Variants in RPH3AL observed in about 807,000 individuals in gnomAD.
RPH3AL encodes the protein rab effector Noc2.
RPH3AL carries 38 observed loss-of-function variants against 43.1 expected under a neutral mutation model. That is an observed-to-expected ratio of 0.88 (90% CI 0.68 to 1.15). The LOEUF (loss-of-function observed/expected upper bound fraction) is 1.15, where lower values mean the gene tolerates loss of function less well. Ranked by LOEUF, RPH3AL falls within the 50% of genes most tolerant of loss-of-function variation. The pLI is 0.00. For synonymous variants in RPH3AL, 189 were observed against 176.3 expected (o/e 1.07, Z -0.57); for missense variants, 462 against 423.2 (o/e 1.09, Z -0.81).
At chr17:321,250 G>T in intron 4 of RPH3AL, 22 bp downstream of exon 4, 3 of 1,598,606 alleles carry the variant, frequency 1.9e-6, no homozygotes, top group Non-Finnish European at 2.5e-6. Flanking sequence ...CTCCCACTGA[G>T]CTGGCCCCGG....
chr17:276,858 C>T (rs971150640), intron 6 of RPH3AL, among the ~76,000 whole-genome samples: 4 of 152,168 alleles, frequency 2.6e-5, no homozygotes, highest in African/African-American at 9.7e-5. Flanking sequence ...GTAGAATCCA[C>T]AGAATTTTGA....
At chr17:282,201 C>T (rs2042796907) in intron 5 of RPH3AL, among the ~76,000 whole-genome samples, 4 of 152,204 alleles carry the variant, frequency 2.6e-5, no homozygotes, top group South Asian at 2.1e-4. Flanking sequence ...CACGACAGCA[C>T]GTGATCTGGC....
intron 3 of RPH3AL, among the ~76,000 whole-genome samples, chr17:321,971 G>A (rs183193951): frequency 4.5e-4 from 69 of 152,352 alleles, no homozygotes; most frequent in African/African-American, 1.3e-3. Context: ...TCGGAGCTCC[G>A]TAAGGTAGTG....
intron 1 of RPH3AL, among the ~76,000 whole-genome samples, chr17:341,781 C>G (rs2045125758): frequency 6.6e-6 from 1 of 152,134 alleles, no homozygotes; most frequent in African/African-American, 2.4e-5. Context: ...CTCCTGGGCT[C>G]AAGTTGTCCT....
rs2042286653 is a variant in RPH3AL at position 264,990 on chromosome 17, C to A, written c.438+16778G>T. ...AAAAGAATCAGTTAACAAAACAAAT[C>A]TGACCCAAAATTCCAGATTGTCTCA... On this transcript the variant is annotated intron_variant, in intron 6 of 9. Coordinates refer to ENST00000331302, the MANE Select transcript of RPH3AL (RefSeq NM_006987.4). The surrounding 1 kb of genome is among the most constrained non-coding windows in gnomAD (Gnocchi z 4.8). 6.6e-6 allele frequency among the ~76,000 whole-genome samples: 1 copy of A among 152,188 alleles called. No individual in the cohort carries two copies. The highest frequency in any genetic ancestry group is 2.4e-5 in the African/African-American group (1 of 41,446).
chr17:324,710 C>CTATCTATCTATCTAT (rs1204379795), intron 3 of RPH3AL, among the ~76,000 whole-genome samples: 3,987 of 151,076 alleles, frequency 0.026, 67 homozygotes, highest in African/African-American at 0.036. Context: ...TAGCTATGTA[C>CTATCTATCTATCTAT]CTATCTATCT....
At chr17:244,580 C>T (rs1267256783) in intron 7 of RPH3AL, among the ~76,000 whole-genome samples, 4 of 152,048 alleles carry the variant, frequency 2.6e-5, no homozygotes, top group Non-Finnish European at 5.9e-5. Flanking sequence ...GCCCCGGGGC[C>T]CTCGGAGGCA....
intron 6 of RPH3AL, among the ~76,000 whole-genome samples, chr17:269,116 A>G (rs137856048): frequency 0.098 from 14,915 of 151,984 alleles, 1,003 homozygotes; most frequent in African/African-American, 0.2. Flanking sequence ...CTGACCTCAT[A>G]ATCCGCCCGC....
At chr17:253,404 C>G (rs1287331019) in intron 6 of RPH3AL, among the ~76,000 whole-genome samples, 1 of 152,192 alleles carries the variant, frequency 6.6e-6, no homozygotes. Flanking sequence ...GGCCGAGAAC[C>G]TCATCTGTGC....
intron 1 of RPH3AL, among the ~76,000 whole-genome samples, chr17:346,273 T>G (rs2045235402): frequency 7.4e-6 from 1 of 134,826 alleles, no homozygotes; most frequent in African/African-American, 2.5e-5. Context: ...CAGAACTATG[T>G]GTGTTTGGGG....
At chr17:311,851 G>A (rs918373231) in intron 5 of RPH3AL, among the ~76,000 whole-genome samples, 5 of 152,200 alleles carry the variant, frequency 3.3e-5, no homozygotes, top group Admixed American at 3.3e-4. Flanking sequence ...CGAGGAGAAT[G>A]TGGGTGCTAT....
chr17:327,590 G>A lies in RPH3AL; in HGVS notation c.-36-11C>T, dbSNP rs759870606. 1 of 1,574,818 alleles carries A rather than the reference G, an allele frequency of 6.3e-7. No individual in the cohort carries two copies. Among genetic ancestry groups the A allele is most frequent in the South Asian group, 1.1e-5 (1 of 90,248 alleles). ...GGTGGGGAGTCACATCTGAGATGAAGGAGGGAAGACGAAAGAGTGTGCATC... is the reference window on the plus strand; with the variant it reads ...GGTGGGGAGTCACATCTGAGATGAAAGAGGGAAGACGAAAGAGTGTGCATC... On this transcript the variant is annotated splice_polypyrimidine_tract_variant and intron_variant, in intron 2 of 9. Transcript: ENST00000331302.
intron 5 of RPH3AL, among the ~76,000 whole-genome samples, chr17:310,176 G>A (rs1280117292): frequency 6.6e-6 from 1 of 152,110 alleles, no homozygotes; most frequent in East Asian, 1.9e-4. Context: ...GGCTGACTCA[G>A]ATCCCAAGCA....
chr17:339,793 C>G (rs1022461920), intron 1 of RPH3AL: 4 of 152,270 alleles, frequency 2.6e-5, no homozygotes, highest in African/African-American at 9.7e-5. Flanking sequence ...ACCTGCCACA[C>G]ACCCAGCAGC....
At position 346,321 on chromosome 17, in the gene RPH3AL, CT is replaced by C. The variant is rs2045236162; in HGVS notation, c.-213+6390del. 1.5e-5 allele frequency among the ~76,000 whole-genome samples: 2 copies of C among 135,214 alleles called. 1 individual carries two copies. The highest frequency in any genetic ancestry group is 3.4e-5 in the Non-Finnish European group (2 of 59,404). The allele number at this position is 135,214 out of a possible 152,430, so 88.7% of individuals were successfully genotyped here. On this transcript the variant is annotated intron_variant, in intron 1 of 9. Transcript: ENST00000331302. ...CCAGTTGTGTTAGTCCGTTTTCACG[CT>C]GCTGATAAGGCATACCCAAGACTGG...
rs879507182 is a variant in RPH3AL at position 220,361 on chromosome 17, C to A, written c.614-625G>T. ...CACTCACTGAGACAATAGACCCAAG[C>A]ACATCAGCTCTGAGTCCTCCACTCA... On this transcript the variant is annotated intron_variant, in intron 7 of 9. Coordinates refer to ENST00000331302, the MANE Select transcript of RPH3AL (RefSeq NM_006987.4). 5.0e-3 allele frequency among the ~76,000 whole-genome samples: 458 copies of A among 90,960 alleles called. 3 individuals carry two copies. Among genetic ancestry groups the A allele is most frequent in the South Asian group, 0.014 (37 of 2,576 alleles). The allele number at this position is 90,960 out of a possible 152,430, so 59.7% of individuals were successfully genotyped here. A position where few individuals can be genotyped will look rare whatever the true frequency, so the allele number is the denominator to read the frequency against.
At chr17:251,935 G>A (rs2041911866) in intron 6 of RPH3AL, among the ~76,000 whole-genome samples, 1 of 151,554 alleles carries the variant, frequency 6.6e-6, no homozygotes, top group South Asian at 2.1e-4. Context: ...ACGCCACACT[G>A]TCTCCCCCAC....
At chr17:337,970 G>T (rs1424627327) in intron 1 of RPH3AL, among the ~76,000 whole-genome samples, 1 of 152,194 alleles carries the variant, frequency 6.6e-6, no homozygotes, top group Non-Finnish European at 1.5e-5. Context: ...GAAACACTCT[G>T]CAAAGCCTCC....
chr17:323,308 T>C lies in RPH3AL; in HGVS notation c.78-1893A>G, dbSNP rs1360709748. On this transcript the variant is annotated intron_variant, in intron 3 of 9. Coordinates refer to ENST00000331302, the MANE Select transcript of RPH3AL (RefSeq NM_006987.4). The surrounding 1 kb of genome is among the most constrained non-coding windows in gnomAD (Gnocchi z 4.4). The stretch of plus-strand genomic sequence containing the variant: ...CCCTAGACCAACGCTTTCCAAGCAG[T>C]GCTCACGGTGCTGGGGAAGGAAAAT... 6.7e-6 allele frequency among the ~76,000 whole-genome samples: 1 copy of C among 150,030 alleles called. No individual in the cohort carries two copies. The highest frequency in any genetic ancestry group is 2.0e-4 in the East Asian group (1 of 5,118).
Sources: allele counts gnomAD v4.1 joint callset (sites outside exome capture counted in the v4.1 genomes callset), GRCh38; gene constraint gnomAD v4.1.1; non-coding constraint Gnocchi (gnomAD v3.1); transcripts MANE v1.5; gene names NCBI Gene and HGNC (gene_info 2026-07-23, HGNC 2026-07-21).